The following MBP variants were observed in gnomAD, a reference collection of about 807,000 sequenced individuals.
The protein encoded by MBP is Golli-MBP.
In MBP, 16 loss-of-function variants were observed where a neutral mutation model predicts 35.8. The ratio of observed to expected loss-of-function variants is 0.45; its 90% CI spans 0.30 to 0.68. The LOEUF (loss-of-function observed/expected upper bound fraction) is 0.68, where lower values mean the gene tolerates loss of function less well. MBP is among the 30% of genes least tolerant of loss of function. MBP has a pLI of 0.08. For synonymous variants in MBP, 143 were observed against 159.6 expected (o/e 0.90, Z 0.78); for missense variants, 380 against 404.7 (o/e 0.94, Z 0.52).
At chr18:77,119,678 A>C (rs1789082) in intron 1 of MBP, among the ~76,000 whole-genome samples, 146,167 of 152,272 alleles carry the variant, frequency 0.96, 70,452 homozygotes, top group East Asian at 1. Context: ...GGGAGCCGAG[A>C]GCAGGAGCCA....
intron 3 of MBP, among the ~76,000 whole-genome samples, chr18:77,040,354 C>T (rs1173730926): frequency 6.6e-6 from 1 of 152,164 alleles, no homozygotes; most frequent in East Asian, 1.9e-4. Context: ...GGCCATACTG[C>T]TCAAGGTAAT....
chr18:77,084,231 T>C (rs1446886830), intron 2 of MBP, among the ~76,000 whole-genome samples: 3 of 152,028 alleles, frequency 2.0e-5, no homozygotes, highest in African/African-American at 7.3e-5. Context: ...AGTGTGTAAA[T>C]AATGAGTACT....
intron 4 of MBP, chr18:77,015,790 C>T (rs1423173918): frequency 7.1e-6 from 7 of 985,282 alleles, no homozygotes; most frequent in East Asian, 1.1e-4. Flanking sequence ...CTCCAAGTTG[C>T]CCTATGGTTT....
chr18:77,082,706 AG>A (rs1975003292), intron 2 of MBP, among the ~76,000 whole-genome samples: 4 of 151,190 alleles, frequency 2.6e-5, no homozygotes, highest in African/African-American at 4.9e-5. Flanking sequence ...CAGGTGGTCT[AG>A]GGGACGCCAT....
intron 1 of MBP, among the ~76,000 whole-genome samples, chr18:77,123,340 A>G (rs1283244245): frequency 6.6e-6 from 1 of 152,288 alleles, no homozygotes; most frequent in East Asian, 1.9e-4. Context: ...TCAAAAATAC[A>G]TGATGCAAAT....
At chr18:77,082,596 C>T (rs550511987) in intron 2 of MBP, among the ~76,000 whole-genome samples, 8 of 152,312 alleles carry the variant, frequency 5.3e-5, no homozygotes, top group African/African-American at 9.6e-5. Context: ...CACACCAGTG[C>T]GCACCCAATA....
At position 77,012,843 on chromosome 18, in the gene MBP, A is replaced by G. The variant is rs140590290; in HGVS notation, c.576+3989T>C. ...TGCATAAAAAGGCAGAAAAATATATAAAGCCAAAAGCTCATAATAAAATTA... is the reference window on the plus strand; with the variant it reads ...TGCATAAAAAGGCAGAAAAATATATGAAGCCAAAAGCTCATAATAAAATTA... On this transcript the variant is annotated intron_variant, in intron 4 of 8. Coordinates refer to ENST00000355994, the MANE Select transcript of MBP (RefSeq NM_001025101.2). The G allele has an allele frequency of 2.2e-4, 215 of 985,386 alleles. No homozygotes were observed. In the African/African-American group the frequency reaches 3.1e-3, roughly 14 times the overall value. The allele number at this position is 985,386 out of a possible 1,614,324, so 61.0% of individuals were successfully genotyped here. A position where few individuals can be genotyped will look rare whatever the true frequency, so the allele number is the denominator to read the frequency against.
At chr18:77,043,739 G>A (rs545682884) in intron 3 of MBP, among the ~76,000 whole-genome samples, 23 of 152,286 alleles carry the variant, frequency 1.5e-4, no homozygotes, top group Admixed American at 7.2e-4. Flanking sequence ...TGCTGTTGCG[G>A]CGTGGTGAGT....
At chr18:77,060,304 T>C (rs1181636276) in intron 3 of MBP, among the ~76,000 whole-genome samples, 2 of 152,174 alleles carry the variant, frequency 1.3e-5, no homozygotes, top group East Asian at 1.9e-4. Context: ...TGAGTGTTTA[T>C]GGCAGATGTG....
At chr18:76,993,762 C>T (rs1970107008) in intron 4 of MBP, among the ~76,000 whole-genome samples, 1 of 152,220 alleles carries the variant, frequency 6.6e-6, no homozygotes, top group African/African-American at 2.4e-5. Context: ...GTGGCCGGCG[C>T]TTCATGGCGG....
intron 3 of MBP, among the ~76,000 whole-genome samples, chr18:77,036,612 G>A (rs1972778585): frequency 7.3e-6 from 1 of 136,236 alleles, no homozygotes; most frequent in African/African-American, 3.0e-5. Flanking sequence ...GTCACATTTT[G>A]GAGACTGAGC....
rs1015962363 is a variant in MBP, at chr18:77,082,074, G to T, written c.52-15689C>A. The stretch of plus-strand genomic sequence containing the variant: ...TCACTGTGTTAGCCGGGATGGTTTC[G>T]ATCTCCTGACCTTGTGATCCGCCCG... On this transcript the variant is annotated intron_variant, in intron 2 of 8. Transcript: ENST00000355994. Among the ~76,000 whole-genome samples the T allele has an allele frequency of 2.0e-5, 3 of 151,670 alleles. No homozygotes were observed. The East Asian group carries it at 5.9e-4, about 30-fold the overall frequency.
At chr18:77,073,446 G>A (rs1333212831) in intron 2 of MBP, among the ~76,000 whole-genome samples, 1 of 152,228 alleles carries the variant, frequency 6.6e-6, no homozygotes, top group Non-Finnish European at 1.5e-5. Flanking sequence ...TTTGACATGA[G>A]TTCCCTAATA....
intron 3 of MBP, among the ~76,000 whole-genome samples, chr18:77,040,459 GC>G (rs1972947101): frequency 6.6e-6 from 1 of 152,148 alleles, no homozygotes; most frequent in Non-Finnish European, 1.5e-5. Flanking sequence ...CCAAAAAAGA[GC>G]CCGCATTGCC....
At chr18:77,034,051 CAA>C (rs398033591) in intron 3 of MBP, among the ~76,000 whole-genome samples, 10,228 of 70,808 alleles carry the variant, frequency 0.14, 392 homozygotes, top group East Asian at 0.26. Context: ...CCTAATGGGG[CAA>C]AAAAAAAAAA....
intron 4 of MBP, among the ~76,000 whole-genome samples, chr18:76,997,903 C>G (rs539731317): frequency 2.6e-5 from 4 of 151,932 alleles, no homozygotes; most frequent in Non-Finnish European, 4.4e-5. Context: ...AGGATGGTCT[C>G]GATCTCCTGA....
chr18:77,041,290 G>C (rs1437529959), intron 3 of MBP, among the ~76,000 whole-genome samples: 4 of 152,196 alleles, frequency 2.6e-5, no homozygotes, highest in Admixed American at 6.5e-5. Context: ...AGGTGCTGGA[G>C]AGGATGTGGA....
At chr18:76,990,840 G>C (rs891063285) in intron 4 of MBP, 6 of 262,892 alleles carry the variant, frequency 2.3e-5, no homozygotes, top group South Asian at 1.8e-4. Context: ...GGGCAGCTAC[G>C]GGCTGGCAGC....
At chr18:77,049,488 A>G (rs1973394664) in intron 3 of MBP, among the ~76,000 whole-genome samples, 1 of 152,142 alleles carries the variant, frequency 6.6e-6, no homozygotes, top group South Asian at 2.1e-4. Flanking sequence ...GGGACCCGGA[A>G]GATTTGCCTC....
Sources: gnomAD v4.1 joint callset for allele counts (sites outside exome capture counted in the v4.1 genomes callset) on GRCh38, gnomAD v4.1.1 for gene constraint, MANE v1.5 for transcripts, NCBI Gene and HGNC (gene_info 2026-07-23, HGNC 2026-07-21) for gene names.